Variants in COL11A1 observed in about 807,000 individuals in gnomAD.
COL11A1 encodes the protein collagen type XI alpha 1 chain.
Under a neutral mutation model 265.2 loss-of-function variants are expected in COL11A1, and 74 were observed. The ratio of observed to expected loss-of-function variants is 0.28; its 90% confidence interval spans 0.23 to 0.34. The LOEUF is 0.34. COL11A1 is among the 10% of genes least tolerant of loss of function. COL11A1 has a pLI of 1.00. For missense variants in COL11A1, 2,165 were observed against 2,263.6 expected, an observed-to-expected ratio of 0.96 and a Z score of 0.88; for synonymous variants, 816 against 727.6, an observed-to-expected ratio of 1.12 and a Z score of -1.96.
At chr1:102,998,653 T>C (rs1243685872) in intron 24 of COL11A1, among the ~76,000 whole-genome samples, 3 of 151,730 alleles carry the variant, frequency 2.0e-5, no homozygotes, top group African/African-American at 7.3e-5. Flanking sequence ...AAACTGAAGC[T>C]TAGAGAACAA....
intron 44 of COL11A1, among the ~76,000 whole-genome samples, chr1:102,937,843 C>CA (rs1253252613): frequency 6.6e-6 from 1 of 152,110 alleles, no homozygotes; most frequent in Non-Finnish European, 1.5e-5. Context: ...TATAGTAACA[C>CA]AAAACAGACT....
chr1:103,082,680 A>AT, intron 2 of COL11A1, 125 bp downstream of exon 2: 2 of 816,776 alleles, frequency 2.4e-6, no homozygotes, highest in Non-Finnish European at 3.8e-6. Flanking sequence ...TTACCATATA[A>AT]TTGCACATTA....
chr1:102,994,282 G>C (rs1044261618), intron 28 of COL11A1, among the ~76,000 whole-genome samples: 1 of 152,128 alleles, frequency 6.6e-6, no homozygotes, highest in East Asian at 1.9e-4. Context: ...TGTTGAAAGT[G>C]GGACCTGGTG....
At chr1:103,101,210 G>A (rs1674240551) in intron 1 of COL11A1, among the ~76,000 whole-genome samples, 1 of 151,802 alleles carries the variant, frequency 6.6e-6, no homozygotes, top group African/African-American at 2.4e-5. Context: ...CTGGTCTTGA[G>A]CCTGGACATA....
chr1:103,035,090 T>C (rs113952320), intron 4 of COL11A1, among the ~76,000 whole-genome samples: 3,299 of 152,166 alleles, frequency 0.022, 45 homozygotes, highest in Middle Eastern at 0.051. Flanking sequence ...ACTCCTACAG[T>C]TTACAACACT....
intron 23 of COL11A1, 123 bp downstream of exon 23, chr1:103,002,305 C>G: frequency 2.2e-6 from 2 of 928,894 alleles, no homozygotes; most frequent in South Asian, 2.9e-5. Context: ...TATGTATTTT[C>G]CTACATTCAC....
At chr1:103,075,061 G>A (rs1301136812) in intron 3 of COL11A1, among the ~76,000 whole-genome samples, 1 of 152,068 alleles carries the variant, frequency 6.6e-6, no homozygotes, top group East Asian at 1.9e-4. Context: ...TTGTGTTGTA[G>A]TAACAAAAGC....
chr1:103,019,180 TG>T (rs561939333), intron 9 of COL11A1, among the ~76,000 whole-genome samples: 113 of 152,284 alleles, frequency 7.4e-4, no homozygotes, highest in Middle Eastern at 3.4e-3. Flanking sequence ...TTTTATTTTT[TG>T]TTTTTCGTTT....
chr1:103,088,610 G>A (rs1673058561), intron 1 of COL11A1, among the ~76,000 whole-genome samples: 4 of 152,122 alleles, frequency 2.6e-5, no homozygotes, highest in Admixed American at 1.3e-4. Flanking sequence ...TTTATATATT[G>A]TCCATAGCTG....
At chr1:102,931,564 A>G (rs1014080595) in intron 46 of COL11A1, among the ~76,000 whole-genome samples, 1 of 152,166 alleles carries the variant, frequency 6.6e-6, no homozygotes, top group African/African-American at 2.4e-5. Context: ...AAAAATGTAT[A>G]TTCTGTTGAT....
At chr1:103,027,625 C>T (rs561049860) in intron 5 of COL11A1, among the ~76,000 whole-genome samples, 1 of 151,714 alleles carries the variant, frequency 6.6e-6, no homozygotes, top group South Asian at 2.1e-4. Flanking sequence ...TTAACCATTC[C>T]CTTTTAATCT....
intron 41 of COL11A1, among the ~76,000 whole-genome samples, chr1:102,960,750 A>G (rs1190866243): frequency 1.3e-5 from 2 of 151,958 alleles, no homozygotes; most frequent in Non-Finnish European, 2.9e-5. Context: ...GAAGGGAAAA[A>G]AAAAGGACTA....
At chr1:102,890,951 A>C (rs575508332) in intron 57 of COL11A1, among the ~76,000 whole-genome samples, 1 of 152,290 alleles carries the variant, frequency 6.6e-6, no homozygotes, top group African/African-American at 2.4e-5. Context: ...CAGGAAAAAA[A>C]ATAGACAAAA....
intron 9 of COL11A1, 84 bp downstream of exon 9, chr1:103,021,623 C>G: frequency 1.1e-6 from 1 of 894,212 alleles, no homozygotes; most frequent in Non-Finnish European, 1.9e-6. Flanking sequence ...ATTGGTAAAA[C>G]ACGAACATAC....
At chr1:102,960,946 T>G (rs1660850176) in intron 41 of COL11A1, among the ~76,000 whole-genome samples, 1 of 152,074 alleles carries the variant, frequency 6.6e-6, no homozygotes, top group Non-Finnish European at 1.5e-5. Context: ...AAAGATAAGA[T>G]GTTATTAGTC....
At chr1:102,938,925 A>G in intron 44 of COL11A1, 110 bp downstream of exon 44, 1 of 872,094 alleles carries the variant, frequency 1.1e-6, no homozygotes, top group African/African-American at 1.6e-5. Flanking sequence ...TAGTATTGGT[A>G]TTATAAGTAT....
chr1:103,020,051 A>C (rs1486183262), intron 9 of COL11A1, among the ~76,000 whole-genome samples: 3 of 150,472 alleles, frequency 2.0e-5, no homozygotes, highest in Non-Finnish European at 3.0e-5. Flanking sequence ...ATAAACATAC[A>C]TGTGCATGTA....
Position 102,997,108 on chromosome 1 carries a change from T to G in COL11A1, c.2213A>C (p.Glu738Ala). The part of the protein sequence containing the change: ...ADGPPGHPGK[E>A]GQSGEKGALG... ...AGCCCCCTTTTCTCCAGACTGGCCTTCTTTCCCAGGATGACCCTATATTTA... is the reference window on the plus strand; with the variant it reads ...AGCCCCCTTTTCTCCAGACTGGCCTGCTTTCCCAGGATGACCCTATATTTA... The change falls in exon 26 of 67, where the codon GAA (glutamate) becomes GCA (alanine). Residue 738 changes from glutamate to alanine, a missense_variant. By Grantham distance (107) the Glu-to-Ala change is moderately radical. Coordinates refer to ENST00000370096, the MANE Select transcript of COL11A1 (RefSeq NM_001854.4). 1 of 1,611,998 alleles carries G rather than the reference T, an allele frequency of 6.2e-7. No individual in the cohort carries two copies. Among genetic ancestry groups the G allele is most frequent in the Non-Finnish European group, 8.5e-7 (1 of 1,178,458 alleles).
intron 44 of COL11A1, among the ~76,000 whole-genome samples, chr1:102,937,872 C>A (rs1658311781): frequency 6.6e-6 from 1 of 152,150 alleles, no homozygotes; most frequent in Admixed American, 6.5e-5. Context: ...TACCAAAATA[C>A]ATTTTGTAAA....
Sources: allele counts gnomAD v4.1 joint callset (sites outside exome capture counted in the v4.1 genomes callset), GRCh38; gene constraint gnomAD v4.1.1; transcripts MANE v1.5; gene names NCBI Gene and HGNC (gene_info 2026-07-23, HGNC 2026-07-21).